The following ZNF512 variants were observed in gnomAD, a reference collection of about 807,000 sequenced individuals.
ZNF512 encodes the protein zinc finger protein 512.
In ZNF512, 25 loss-of-function variants were observed where a neutral mutation model predicts 77.5. The ratio of observed to expected loss-of-function variants is 0.32; its 90% CI spans 0.23 to 0.45. ZNF512 has a LOEUF of 0.45. Among genes scored for constraint, ZNF512 ranks in the 20% least tolerant of loss-of-function variants. The pLI, the probability that ZNF512 is intolerant of heterozygous loss-of-function variation, is 1.00. For missense variants in ZNF512, 483 were observed against 692.6 expected, an observed-to-expected ratio of 0.70 and a Z score of 3.40; for synonymous variants, 246 against 239.9, an observed-to-expected ratio of 1.03 and a Z score of -0.24.
At chr2:27,585,451 A>G (rs529744423) in intron 2 of ZNF512, among the ~76,000 whole-genome samples, 2 of 152,302 alleles carry the variant, frequency 1.3e-5, no homozygotes, top group South Asian at 4.1e-4. Flanking sequence ...CCATCCATTA[A>G]CCAGATTTGG....
At chr2:27,615,129 T>C (rs1302957041) in intron 10 of ZNF512, 39 bp from the exon 11 acceptor site, 3 of 1,303,566 alleles carry the variant, frequency 2.3e-6, no homozygotes, top group South Asian at 1.3e-5. Context: ...TGGTTGGGAG[T>C]TGTATTTATC....
intron 10 of ZNF512, among the ~76,000 whole-genome samples, chr2:27,612,357 G>C (rs973401148): frequency 6.6e-6 from 1 of 151,784 alleles, no homozygotes; most frequent in Non-Finnish European, 1.5e-5. Flanking sequence ...AGGAATCCTG[G>C]TTCCTTTTAT....
At chr2:27,594,112 C>T (rs893361839) in intron 2 of ZNF512, among the ~76,000 whole-genome samples, 8 of 152,330 alleles carry the variant, frequency 5.3e-5, no homozygotes, top group African/African-American at 1.9e-4. Flanking sequence ...GCACAGCGGC[C>T]AGTCAGAGGT....
intron 10 of ZNF512, among the ~76,000 whole-genome samples, chr2:27,614,143 G>A (rs912495032): frequency 3.3e-5 from 5 of 152,074 alleles, no homozygotes; most frequent in Non-Finnish European, 5.9e-5. Flanking sequence ...GGCTTTGGGT[G>A]TGTTTTTTTG....
intron 12 of ZNF512, among the ~76,000 whole-genome samples, chr2:27,616,689 T>G (rs946628995): frequency 1.3e-5 from 2 of 152,196 alleles, no homozygotes; most frequent in African/African-American, 4.8e-5. Flanking sequence ...TCACCTTACA[T>G]GTGCTTACCT....
chr2:27,596,880 G>A (rs934570465), intron 2 of ZNF512, among the ~76,000 whole-genome samples: 2 of 152,158 alleles, frequency 1.3e-5, no homozygotes, highest in Non-Finnish European at 2.9e-5. Context: ...CAAGTGTGAT[G>A]TTTGCACTTA....
intron 10 of ZNF512, among the ~76,000 whole-genome samples, chr2:27,612,878 A>T (rs1222283693): frequency 6.6e-6 from 1 of 152,056 alleles, no homozygotes; most frequent in East Asian, 1.9e-4. Flanking sequence ...TGTTATTTTT[A>T]TTAAGTTTTG....
intron 2 of ZNF512, among the ~76,000 whole-genome samples, chr2:27,587,614 A>G (rs1325955904): frequency 2.0e-5 from 3 of 149,968 alleles, no homozygotes; most frequent in Non-Finnish European, 4.4e-5. Flanking sequence ...ATGAATAATA[A>G]TGTTGAGCAT....
chr2:27,600,564 C>T (rs1672074452), intron 5 of ZNF512, 127 bp from the exon 6 acceptor site: 1 of 1,069,492 alleles, frequency 9.4e-7, no homozygotes, highest in Non-Finnish European at 1.3e-6. Context: ...CAGCAAGAGC[C>T]TCTTCATCGC....
At chr2:27,617,099 T>C (rs1430176611) in intron 12 of ZNF512, 2 of 203,500 alleles carry the variant, frequency 9.8e-6, no homozygotes, top group East Asian at 2.4e-4. Context: ...GTGGGAAGAA[T>C]TGTACATTGG....
intron 13 of ZNF512, among the ~76,000 whole-genome samples, chr2:27,619,964 G>GT (rs1215154344): frequency 6.6e-6 from 1 of 151,998 alleles, no homozygotes; most frequent in African/African-American, 2.4e-5. Flanking sequence ...ATCTTATAAT[G>GT]TTTTTTCAGA....
At chr2:27,586,646 A>C (rs1029823669) in intron 2 of ZNF512, among the ~76,000 whole-genome samples, 1 of 152,220 alleles carries the variant, frequency 6.6e-6, no homozygotes, top group African/African-American at 2.4e-5. Flanking sequence ...TAGACTGCAC[A>C]TATTTAAAGC....
chr2:27,585,867 A>G (rs1325870301), intron 2 of ZNF512, among the ~76,000 whole-genome samples: 7 of 152,182 alleles, frequency 4.6e-5, no homozygotes, highest in African/African-American at 1.7e-4. Context: ...TATGTATGGA[A>G]AGGGAAGTTT....
At chr2:27,586,579 G>A (rs887080636) in intron 2 of ZNF512, among the ~76,000 whole-genome samples, 2 of 152,134 alleles carry the variant, frequency 1.3e-5, no homozygotes, top group African/African-American at 4.8e-5. Flanking sequence ...GGCCTTAGAG[G>A]CCTGCCAGTC....
At chr2:27,605,062 G>T (rs1333176903) in intron 9 of ZNF512, among the ~76,000 whole-genome samples, 1 of 152,048 alleles carries the variant, frequency 6.6e-6, no homozygotes, top group Non-Finnish European at 1.5e-5. Flanking sequence ...TTCATTATAT[G>T]GATGTTTCAA....
At chr2:27,607,097 T>C (rs1401312312) in intron 9 of ZNF512, among the ~76,000 whole-genome samples, 2 of 152,124 alleles carry the variant, frequency 1.3e-5, no homozygotes, top group African/African-American at 4.8e-5. Context: ...TATAGACTTT[T>C]ATCACATTTA....
chr2:27,586,935 T>C (rs1187391129), intron 2 of ZNF512, among the ~76,000 whole-genome samples: 1 of 152,268 alleles, frequency 6.6e-6, no homozygotes, highest in Non-Finnish European at 1.5e-5. Context: ...AATTCCATTA[T>C]GGATACCATA....
At chr2:27,590,917 TG>T (rs1476694642) in intron 2 of ZNF512, among the ~76,000 whole-genome samples, 1 of 152,282 alleles carries the variant, frequency 6.6e-6, no homozygotes, top group Non-Finnish European at 1.5e-5. Context: ...GCATTTCATA[TG>T]GAGCAGGTCT....
In ZNF512 at chr2:27,617,556, C is replaced by T; in HGVS notation, c.1380C>T (p.Asn460=). The T allele has an allele frequency of 7.8e-7, 1 of 1,284,268 alleles. No homozygotes were observed. The highest frequency in any genetic ancestry group is 1.1e-6 in the Non-Finnish European group (1 of 878,780). The allele number at this position is 1,284,268 out of a possible 1,614,324, so 79.6% of individuals were successfully genotyped here. ...AGAGTGGTGTCAAGTATCACATCAA[C>T]TCCGTCCATGCTGAGGTGAGGTTTT... The part of the protein sequence containing the change: ...VSESGVKYHI[N]SVHAEDWFVV... Residue 460 remains asparagine (N), a synonymous_variant, in exon 13 of 14, where the codon AAC becomes AAT. Coordinates refer to ENST00000355467, the MANE Select transcript of ZNF512 (RefSeq NM_032434.4).
Sources: allele counts gnomAD v4.1 joint callset (sites outside exome capture counted in the v4.1 genomes callset), GRCh38; gene constraint gnomAD v4.1.1; transcripts MANE v1.5; gene names NCBI Gene and HGNC (gene_info 2026-07-23, HGNC 2026-07-21).